PRKG1: variants seen among roughly 807,000 people sequenced by gnomAD.
PRKG1 encodes protein kinase cGMP-dependent 1.
A neutral mutation model predicts 88.1 loss-of-function variants in PRKG1; 35 were observed. The observed-to-expected ratio is 0.40, with a 90% CI of 0.30 to 0.53. The LOEUF (loss-of-function observed/expected upper bound fraction) is 0.53, where lower values mean the gene tolerates loss of function less well. Among genes scored for constraint, PRKG1 ranks in the 20% least tolerant of loss-of-function variants. The probability of loss-of-function intolerance (pLI) is 0.59; values close to 1 mark genes in which losing one functional copy is unlikely to be tolerated. For missense variants in PRKG1, 540 were observed against 839.8 expected (o/e 0.64, Z 4.41); for synonymous variants, 303 against 292.5 (o/e 1.04, Z -0.37).
chr10:51,595,788 C>T (rs1233414789), intron 3 of PRKG1, among the ~76,000 whole-genome samples: 1 of 152,080 alleles, frequency 6.6e-6, no homozygotes, highest in Non-Finnish European at 1.5e-5. Flanking sequence ...TCACCTATCT[C>T]ATGGTAATAC....
intron 3 of PRKG1, among the ~76,000 whole-genome samples, chr10:51,712,975 GTTTTT>G (rs10593003): frequency 0.36 from 53,233 of 149,484 alleles, 9,948 homozygotes; most frequent in Middle Eastern, 0.51. Context: ...CTCTATGAGG[GTTTTT>G]TTTTTTGATG....
chr10:51,196,848 A>G (rs1430677339), intron 2 of PRKG1, among the ~76,000 whole-genome samples: 3 of 152,210 alleles, frequency 2.0e-5, no homozygotes, highest in African/African-American at 7.2e-5. Flanking sequence ...GCAAATATAA[A>G]ATTTGTTTTA....
At chr10:51,396,541 G>GA (rs1406887452) in intron 2 of PRKG1, among the ~76,000 whole-genome samples, 1 of 152,172 alleles carries the variant, frequency 6.6e-6, no homozygotes, top group African/African-American at 2.4e-5. Flanking sequence ...TTCCTTAGAA[G>GA]AAACTCGTTA....
rs149250081 is a variant in PRKG1, at chr10:51,581,275, C to T, written c.592+113439C>T. ...AAACAGAAACGCAGTCTTTCCATAA[C>T]CTATGATTAGCAAGATATTAATCAG... On this transcript the variant is annotated intron_variant, in intron 3 of 17. Coordinates refer to ENST00000373980, the MANE Select transcript of PRKG1 (RefSeq NM_006258.4). Among the ~76,000 whole-genome samples the T allele has an allele frequency of 5.2e-3, 796 of 152,278 alleles. 8 individuals carry two copies. Among genetic ancestry groups the T allele is most frequent in the African/African-American group, 0.018 (760 of 41,560 alleles).
chr10:51,631,477 G>T (rs1431652679), intron 3 of PRKG1, among the ~76,000 whole-genome samples: 1 of 152,168 alleles, frequency 6.6e-6, no homozygotes, highest in East Asian at 1.9e-4. Context: ...CCACTATAAA[G>T]CCTGCCACCA....
intron 9 of PRKG1, among the ~76,000 whole-genome samples, chr10:52,193,563 C>CAAAAAAAAAAAAAAAAAAAAAAAAA (rs67349420): frequency 8.4e-6 from 1 of 118,522 alleles, no homozygotes; most frequent in African/African-American, 3.3e-5. Context: ...AAAAAAAAAA[C>CAAAAAAAAAAAAAAAAAAAAAAAAA]AAAAAAAAAA....
At chr10:51,994,165 T>C (rs1027861513) in intron 5 of PRKG1, among the ~76,000 whole-genome samples, 2 of 152,174 alleles carry the variant, frequency 1.3e-5, no homozygotes, top group South Asian at 4.1e-4. Context: ...TCTAAGGAAC[T>C]GAAGCTGCTT....
At chr10:51,305,882 AC>A (rs1841023339) in intron 2 of PRKG1, among the ~76,000 whole-genome samples, 1 of 152,220 alleles carries the variant, frequency 6.6e-6, no homozygotes, top group African/African-American at 2.4e-5. Flanking sequence ...AATCAGAATA[AC>A]TATCACACAC....
chr10:51,246,791 C>T (rs189135531), intron 2 of PRKG1, among the ~76,000 whole-genome samples: 89 of 152,002 alleles, frequency 5.9e-4, no homozygotes, highest in South Asian at 1.5e-3. Context: ...GGGACTGTGG[C>T]GAATTGGAGA....
At position 51,855,521 on chromosome 10, in the gene PRKG1, A is replaced by C. The variant is rs532685804; in HGVS notation, c.698+50831A>C. ...TGGTGTGAGGAATGCAATTACTTCT[A>C]TGTCCAGCACAATCATTCTCTCAGT... is the stretch of plus-strand genomic sequence containing the variant. On this transcript the variant is annotated intron_variant, in intron 4 of 17. Coordinates refer to ENST00000373980, the MANE Select transcript of PRKG1 (RefSeq NM_006258.4). Among the ~76,000 whole-genome samples, 18 of 152,312 alleles carry C rather than the reference A, an allele frequency of 1.2e-4. No homozygotes were observed. In the South Asian group the frequency reaches 2.5e-3, roughly 21 times the overall value.
At chr10:52,119,280 G>A (rs1055167849) in intron 7 of PRKG1, among the ~76,000 whole-genome samples, 2 of 152,196 alleles carry the variant, frequency 1.3e-5, no homozygotes, top group South Asian at 2.1e-4. Context: ...AAACCACAGA[G>A]TAGAACAGTG....
At chr10:51,946,355 A>G (rs1480719431) in intron 5 of PRKG1, among the ~76,000 whole-genome samples, 1 of 151,968 alleles carries the variant, frequency 6.6e-6, no homozygotes, top group Non-Finnish European at 1.5e-5. Flanking sequence ...CTAGTTATAC[A>G]TTCGTCTAAA....
intron 2 of PRKG1, among the ~76,000 whole-genome samples, chr10:51,289,069 A>G (rs1265193975): frequency 6.6e-6 from 1 of 152,186 alleles, no homozygotes; most frequent in Non-Finnish European, 1.5e-5. Flanking sequence ...GTGAACAAGA[A>G]AGTTCCACTA....
At chr10:51,501,342 T>C (rs1320537429) in intron 3 of PRKG1, among the ~76,000 whole-genome samples, 1 of 152,146 alleles carries the variant, frequency 6.6e-6, no homozygotes, top group African/African-American at 2.4e-5. Flanking sequence ...GACTTTGCAA[T>C]TAAAGTGCTT....
chr10:51,566,340 TC>T (rs1412808688), intron 3 of PRKG1, among the ~76,000 whole-genome samples: 1 of 152,040 alleles, frequency 6.6e-6, no homozygotes, highest in Admixed American at 6.6e-5. Context: ...AGCAAAGACT[TC>T]CTAAGCCCTA....
chr10:51,311,177 A>G (rs1370210021), intron 2 of PRKG1, among the ~76,000 whole-genome samples: 2 of 152,188 alleles, frequency 1.3e-5, no homozygotes, highest in East Asian at 1.9e-4. Context: ...AACACTAAAA[A>G]GATCCTCCCT....
At chr10:51,338,350 A>G (rs889681085) in intron 2 of PRKG1, among the ~76,000 whole-genome samples, 1 of 152,208 alleles carries the variant, frequency 6.6e-6, no homozygotes, top group African/African-American at 2.4e-5. Context: ...GCAAATCACC[A>G]TGGCACACAT....
intron 9 of PRKG1, among the ~76,000 whole-genome samples, chr10:52,226,972 A>C (rs528842191): frequency 6.6e-6 from 1 of 152,268 alleles, no homozygotes; most frequent in South Asian, 2.1e-4. Flanking sequence ...ATTGCAAGAG[A>C]TCTTATATTC....
chr10:51,471,247 T>C (rs910748637), intron 3 of PRKG1, among the ~76,000 whole-genome samples: 1 of 151,974 alleles, frequency 6.6e-6, no homozygotes, highest in African/African-American at 2.4e-5. Flanking sequence ...CCCAATGGCA[T>C]GGGGATGGGG....
Sources: gnomAD v4.1 joint callset for allele counts (sites outside exome capture counted in the v4.1 genomes callset) on GRCh38, gnomAD v4.1.1 for gene constraint, MANE v1.5 for transcripts, NCBI Gene and HGNC (gene_info 2026-07-23, HGNC 2026-07-21) for gene names.